The following HDAC9 variants were observed in gnomAD, a reference collection of about 807,000 sequenced individuals.
The protein encoded by HDAC9 is MEF-2 interacting transcription repressor (MITR) protein.
Under a neutral mutation model 139.4 loss-of-function variants are expected in HDAC9, and 41 were observed. That is an observed-to-expected ratio of 0.29 (90% CI 0.23 to 0.38). The LOEUF (loss-of-function observed/expected upper bound fraction) is 0.38, where lower values mean the gene tolerates loss of function less well. HDAC9 is among the 10% of genes least tolerant of loss of function. The pLI is 1.00. For missense variants in HDAC9, 1,147 were observed against 1,297.0 expected (o/e 0.88, Z 1.78); for synonymous variants, 517 against 476.2 (o/e 1.09, Z -1.12).
At chr7:18,914,887 A>G (rs1193964700) in intron 22 of HDAC9, among the ~76,000 whole-genome samples, 1 of 152,102 alleles carries the variant, frequency 6.6e-6, no homozygotes, top group Non-Finnish European at 1.5e-5. Context: ...AAAGAGTATA[A>G]ATATTGGAAT....
At chr7:18,640,639 T>C (rs1317597288) in intron 8 of HDAC9, among the ~76,000 whole-genome samples, 1 of 152,004 alleles carries the variant, frequency 6.6e-6, no homozygotes, top group Non-Finnish European at 1.5e-5. Flanking sequence ...TTTTACATCA[T>C]ATATATTTTT....
chr7:18,975,995 C>T lies in HDAC9; in HGVS notation c.3170+42C>T. 3 of 1,580,988 alleles carry T rather than the reference C, an allele frequency of 1.9e-6. No homozygotes were observed. In the East Asian group the frequency reaches 6.7e-5, roughly 36 times the overall value. On this transcript the variant is annotated intron_variant, in intron 25 of 25. Transcript: ENST00000686413. Reference sequence around the variant, plus strand: ...CGGGAATAATCCGGGTCAGTCATATCCAGGCTCATCGTTGATATTTGTGAA... The same window carrying T: ...CGGGAATAATCCGGGTCAGTCATATTCAGGCTCATCGTTGATATTTGTGAA...
At chr7:18,246,641 A>T (rs1471871348) in intron 2 of HDAC9, among the ~76,000 whole-genome samples, 1 of 152,058 alleles carries the variant, frequency 6.6e-6, no homozygotes, top group East Asian at 1.9e-4. Flanking sequence ...GGAGTTTCGT[A>T]GGGGAGAAAG....
intron 2 of HDAC9, among the ~76,000 whole-genome samples, chr7:18,186,511 T>C (rs2128145363): frequency 6.6e-6 from 1 of 152,296 alleles, no homozygotes; most frequent in Admixed American, 6.5e-5. Context: ...TCTGCCCCAC[T>C]CTTCACTACC....
intron 1 of HDAC9, among the ~76,000 whole-genome samples, chr7:18,338,494 G>T (rs1781752098): frequency 6.6e-6 from 1 of 151,532 alleles, no homozygotes; most frequent in South Asian, 2.1e-4. Context: ...TAAACAAAAA[G>T]TTTACACCTA....
intron 12 of HDAC9, among the ~76,000 whole-genome samples, chr7:18,717,389 A>C (rs920087239): frequency 5.3e-5 from 8 of 151,270 alleles, no homozygotes; most frequent in African/African-American, 1.9e-4. Context: ...ATTTTTACTG[A>C]GCACTTCACC....
chr7:18,359,744 G>A (rs1783628014), intron 1 of HDAC9, among the ~76,000 whole-genome samples: 1 of 152,046 alleles, frequency 6.6e-6, no homozygotes. Context: ...GAGTAGCTGG[G>A]ACCACAGGCA....
intron 2 of HDAC9, among the ~76,000 whole-genome samples, chr7:18,270,007 G>T (rs771169657): frequency 1.3e-5 from 2 of 152,036 alleles, no homozygotes; most frequent in East Asian, 1.9e-4. Flanking sequence ...ATTCTTTGTT[G>T]TAGGGGCCTG....
intron 12 of HDAC9, among the ~76,000 whole-genome samples, chr7:18,706,243 G>T (rs953973468): frequency 1.5e-5 from 2 of 133,154 alleles, no homozygotes; most frequent in Admixed American, 1.7e-4. Context: ...TTTCATTTGC[G>T]TAATTAAGTT....
chr7:18,409,503 T>C (rs943687969), intron 1 of HDAC9, among the ~76,000 whole-genome samples: 1 of 152,152 alleles, frequency 6.6e-6, no homozygotes, highest in South Asian at 2.1e-4. Flanking sequence ...GAGACTGAGT[T>C]TAGAGCACCC....
intron 6 of HDAC9, among the ~76,000 whole-genome samples, chr7:18,619,109 T>C (rs1485363501): frequency 1.3e-5 from 2 of 152,038 alleles, no homozygotes; most frequent in Non-Finnish European, 2.9e-5. Context: ...TATAAAGGAG[T>C]TAGCATATGA....
intron 11 of HDAC9, among the ~76,000 whole-genome samples, chr7:18,664,728 A>G (rs1794296318): frequency 6.6e-6 from 1 of 152,012 alleles, no homozygotes; most frequent in Non-Finnish European, 1.5e-5. Flanking sequence ...AACTCCCTTA[A>G]CAATCCCCAT....
chr7:18,133,374 T>C (rs1243890636), intron 1 of HDAC9, among the ~76,000 whole-genome samples: 2 of 152,160 alleles, frequency 1.3e-5, no homozygotes, highest in Admixed American at 6.5e-5. Flanking sequence ...AGTTAAGCAG[T>C]GGTGATATTC....
intron 1 of HDAC9, among the ~76,000 whole-genome samples, chr7:18,489,979 C>G (rs970661912): frequency 3.9e-5 from 6 of 152,014 alleles, no homozygotes; most frequent in African/African-American, 1.4e-4. Flanking sequence ...GCTAGAGGAT[C>G]CCTTTCTTAG....
intron 17 of HDAC9, among the ~76,000 whole-genome samples, chr7:18,810,605 G>A (rs1056007359): frequency 6.6e-6 from 1 of 151,832 alleles, no homozygotes; most frequent in Non-Finnish European, 1.5e-5. Flanking sequence ...TTTGACAAAT[G>A]TCTATACCTG....
chr7:18,430,902 C>CAAACA (rs1421723709), intron 1 of HDAC9, among the ~76,000 whole-genome samples: 1 of 152,152 alleles, frequency 6.6e-6, no homozygotes, highest in South Asian at 2.1e-4. Flanking sequence ...CAAACCAAAC[C>CAAACA]AAACAAAACA....
chr7:18,090,077 C>T (rs1399916688), intron 1 of HDAC9, among the ~76,000 whole-genome samples: 2 of 152,108 alleles, frequency 1.3e-5, no homozygotes, highest in Non-Finnish European at 2.9e-5. Context: ...TATTATAATT[C>T]TTACACTTTT....
At chr7:18,732,722 C>CACACACGTGTATGTGTGCGTATGTGT (rs1786266177) in intron 13 of HDAC9, among the ~76,000 whole-genome samples, 10 of 99,732 alleles carry the variant, frequency 1.0e-4, no homozygotes, top group Admixed American at 1.8e-4. Context: ...TATGTGTACA[C>CACACACGTGTATGTGTGCGTATGTGT]ACACACACGT....
chr7:18,572,973 T>G (rs1824796174), intron 2 of HDAC9, among the ~76,000 whole-genome samples: 1 of 152,236 alleles, frequency 6.6e-6, no homozygotes, highest in South Asian at 2.1e-4. Flanking sequence ...TTGGATTAAG[T>G]AAATCAAAAT....
Sources: allele counts gnomAD v4.1 joint callset (sites outside exome capture counted in the v4.1 genomes callset), GRCh38; gene constraint gnomAD v4.1.1; transcripts MANE v1.5; gene names NCBI Gene and HGNC (gene_info 2026-07-23, HGNC 2026-07-21).